The following SYBU variants were observed in gnomAD, a reference collection of about 807,000 sequenced individuals.
SYBU encodes GOLSYN A protein.
Under a neutral mutation model 35.9 loss-of-function variants are expected in SYBU, and 21 were observed. The ratio of observed to expected loss-of-function variants is 0.58; its 90% CI spans 0.41 to 0.84. The LOEUF is 0.84. Among genes scored for constraint, SYBU ranks in the 40% least tolerant of loss-of-function variants. The probability of loss-of-function intolerance (pLI) is 0.00; values close to 1 mark genes in which losing one functional copy is unlikely to be tolerated. For missense variants in SYBU, 768 were observed against 848.2 expected (o/e 0.91, Z 1.17); for synonymous variants, 319 against 324.3 (o/e 0.98, Z 0.18).
chr8:109,629,922 T>C (rs1370846060), intron 2 of SYBU, among the ~76,000 whole-genome samples: 2 of 152,130 alleles, frequency 1.3e-5, no homozygotes. Flanking sequence ...TTCATGTGTT[T>C]TTTGGCTGCA....
chr8:109,577,957 C>T lies in SYBU; in HGVS notation c.795G>A (p.Glu265=). ...ENHGVRPPNP[E]QYLTPLQQKE... The stretch of plus-strand genomic sequence containing the variant: ...TCTGCTGCAGTGGAGTCAAATACTG[C>T]TCTGGGTTTGGGGGTCTGACACCAT... Residue 265 remains glutamate (E), a synonymous_variant, in exon 6 of 7, where the codon GAG becomes GAA. Transcript: ENST00000276646. 1 of 1,614,042 alleles carries T rather than the reference C, an allele frequency of 6.2e-7. No individual in the cohort carries two copies. The highest frequency in any genetic ancestry group is 1.1e-5 in the South Asian group (1 of 91,036).
chr8:109,648,151 C>T (rs1269471075), upstream of SYBU: 1 of 150,898 alleles, frequency 6.6e-6, no homozygotes, highest in Non-Finnish European at 1.5e-5. Context: ...GTTTTATCAC[C>T]TTTTGGCTTC....
At chr8:109,607,419 C>A (rs1345512014) in intron 3 of SYBU, among the ~76,000 whole-genome samples, 1 of 152,172 alleles carries the variant, frequency 6.6e-6, no homozygotes, top group Admixed American at 6.5e-5. Flanking sequence ...CACGAACAGG[C>A]TCTCTCTTGA....
chr8:109,622,419 G>C (rs538223881), intron 2 of SYBU, among the ~76,000 whole-genome samples: 1 of 152,164 alleles, frequency 6.6e-6, no homozygotes, highest in Admixed American at 6.5e-5. Flanking sequence ...TTTTAGTAGA[G>C]ATGGGGTTTC....
rs112497494 is a variant in SYBU at position 109,691,526 on chromosome 8, C to T, written c.-251G>A. 4 of 484,618 alleles carry T rather than the reference C, an allele frequency of 8.3e-6. No individual in the cohort carries two copies. The allele number at this position is 484,618 out of a possible 1,614,324, so 30.0% of individuals were successfully genotyped here. A position where few individuals can be genotyped will look rare whatever the true frequency, so the allele number is the denominator to read the frequency against. On this transcript the variant is annotated 5_prime_UTR_variant, in exon 1 of 8. Coordinates refer to the SYBU transcript ENST00000422135. This position sits in a 1 kb window ranked among gnomAD's most constrained non-coding sequence, Gnocchi z 4.7. ...AGCCCGGCTTGGACACGTGGTGCCG[C>T]GGAATCCCTTGCGCTCCGGTGCCCT... is the stretch of plus-strand genomic sequence containing the variant.
At chr8:109,688,731 A>G (rs1186839073) in intron 1 of SYBU, among the ~76,000 whole-genome samples, 1 of 151,826 alleles carries the variant, frequency 6.6e-6, no homozygotes, top group Admixed American at 6.6e-5. Flanking sequence ...CCTGCTAAGA[A>G]GAAGGATGCA....
chr8:109,672,563 A>G (rs1044784332), intron 1 of SYBU, among the ~76,000 whole-genome samples: 9 of 152,172 alleles, frequency 5.9e-5, no homozygotes, highest in Non-Finnish European at 5.9e-5. Flanking sequence ...TTGGAAGCCT[A>G]CACCACCAGG....
chr8:109,669,110 A>G (rs535178295), intron 1 of SYBU, among the ~76,000 whole-genome samples: 1 of 152,240 alleles, frequency 6.6e-6, no homozygotes, highest in East Asian at 1.9e-4. Flanking sequence ...TGGGAGGCTG[A>G]GGCAGGTGGA....
chr8:109,689,851 A>C (rs1432769642), intron 1 of SYBU, among the ~76,000 whole-genome samples: 1 of 144,752 alleles, frequency 6.9e-6, no homozygotes, highest in Non-Finnish European at 1.6e-5. Context: ...AAAAAAAAAA[A>C]AAAACCATGA....
At chr8:109,628,824 A>G (rs2130492072) in intron 2 of SYBU, among the ~76,000 whole-genome samples, 1 of 152,274 alleles carries the variant, frequency 6.6e-6, no homozygotes, top group Non-Finnish European at 1.5e-5. Context: ...CCGTCTCAAA[A>G]AAAAAAGATA....
At chr8:109,608,385 T>G (rs1826284338) in intron 3 of SYBU, among the ~76,000 whole-genome samples, 1 of 152,156 alleles carries the variant, frequency 6.6e-6, no homozygotes, top group Non-Finnish European at 1.5e-5. Context: ...AGCCCTAAAT[T>G]TTATGGCAAA....
upstream of SYBU, among the ~76,000 whole-genome samples, chr8:109,681,628 T>C (rs906484564): frequency 3.3e-5 from 5 of 152,180 alleles, no homozygotes; most frequent in Admixed American, 2.6e-4. Context: ...GATAACAGCA[T>C]ACGTAATTCA....
Position 109,621,147 on chromosome 8 carries a change from AG to A in SYBU, c.230-2109del, listed in dbSNP as rs1428704919. ...TTTTCCTGAAAACTCTCAGACTCAC[AG>A]GGATAAAATTAAACAATTTCCAGCA... On this transcript the variant is annotated intron_variant, in intron 2 of 6. Coordinates refer to ENST00000276646, the MANE Select transcript of SYBU (RefSeq NM_001099754.2). Among the ~76,000 whole-genome samples the A allele has an allele frequency of 4.6e-5, 7 of 152,334 alleles. No individual in the cohort carries two copies. In the East Asian group the frequency reaches 5.8e-4, roughly 13 times the overall value.
Position 109,638,542 on chromosome 8 carries a change from C to CA in SYBU, c.229+4185_229+4186insT, listed in dbSNP as rs1554623188. On this transcript the variant is annotated intron_variant, in intron 2 of 6. Transcript: ENST00000276646. ...AACAAACAAACAAACAAACAAAAAA[C>CA]TTTTTTTTTAAAAGGGGACAGGAAA... Among the ~76,000 whole-genome samples, 26 of 151,236 alleles carry CA rather than the reference C, an allele frequency of 1.7e-4. No individual in the cohort carries two copies. The South Asian group carries it at 4.8e-3, about 28-fold the overall frequency.
intron 2 of SYBU, among the ~76,000 whole-genome samples, chr8:109,626,289 A>G (rs1482666784): frequency 6.6e-6 from 1 of 152,202 alleles, no homozygotes; most frequent in Non-Finnish European, 1.5e-5. Context: ...TTTTATGCTT[A>G]GAATGTTTTT....
At chr8:109,688,936 A>G (rs1224102177) in intron 1 of SYBU, among the ~76,000 whole-genome samples, 1 of 152,222 alleles carries the variant, frequency 6.6e-6, no homozygotes, top group African/African-American at 2.4e-5. Context: ...ATACTCCAGC[A>G]TGATTAGTTA....
Position 109,668,165 on chromosome 8 carries a change from GGAGAGAGAGA to G in SYBU, c.-129+12536_-129+12545del, listed in dbSNP as rs60330422. On this transcript the variant is annotated intron_variant, in intron 1 of 5. Coordinates refer to the SYBU transcript ENST00000408889. ...GAAGAAGAGGCAGAGGGGGAGAGGG[GGAGAGAGAGA>G]GAGAGAGAGAGAGAGAGAGAGAGAG... Among the ~76,000 whole-genome samples the G allele has an allele frequency of 1.7e-4, 15 of 89,048 alleles. 3 individuals carry two copies. Among genetic ancestry groups the G allele is most frequent in the Admixed American group, 5.8e-4 (4 of 6,862 alleles). 58.4% of individuals were successfully genotyped at this position (89,048 alleles called of 152,430 possible). A position where few individuals can be genotyped will look rare whatever the true frequency, so the allele number is the denominator to read the frequency against.
Position 109,584,155 on chromosome 8 carries a change from T to A in SYBU, c.530+1905A>T, listed in dbSNP as rs1823359069. Among the ~76,000 whole-genome samples, 1 of 152,146 alleles carries A rather than the reference T, an allele frequency of 6.6e-6. No homozygotes were observed. Among genetic ancestry groups the A allele is most frequent in the South Asian group, 2.1e-4 (1 of 4,830 alleles). ...AAACTGAGGATAATGGATAGAACAC[T>A]GCCATTTTCAATTTTCCATCTATTA... On this transcript the variant is annotated intron_variant, in intron 4 of 6. Transcript: ENST00000276646. The surrounding 1 kb of genome is among the most constrained non-coding windows in gnomAD (Gnocchi z 4.0).
chr8:109,605,605 G>C (rs560354729), intron 3 of SYBU, among the ~76,000 whole-genome samples: 3 of 152,128 alleles, frequency 2.0e-5, no homozygotes, highest in Non-Finnish European at 4.4e-5. Context: ...TAAATATAAA[G>C]CTGCAAAATA....
Sources: allele counts gnomAD v4.1 joint callset (sites outside exome capture counted in the v4.1 genomes callset), GRCh38; gene constraint gnomAD v4.1.1; non-coding constraint Gnocchi (gnomAD v3.1); transcripts MANE v1.5; gene names NCBI Gene and HGNC (gene_info 2026-07-23, HGNC 2026-07-21).